IL16: variants seen among roughly 807,000 people sequenced by gnomAD.
IL16 encodes the protein pro-interleukin-16.
In IL16, 67 loss-of-function variants were observed where a neutral mutation model predicts 110.1. The observed-to-expected ratio is 0.61, with a 90% CI of 0.50 to 0.75. The LOEUF (loss-of-function observed/expected upper bound fraction) is 0.75. Ranked by LOEUF, IL16 falls within the 30% of genes least tolerant of loss-of-function variation. IL16 has a pLI of 0.00. For synonymous variants in IL16, 689 were observed against 662.9 expected (o/e 1.04, Z -0.61); for missense variants, 1,545 against 1,655.0 (o/e 0.93, Z 1.15).
chr15:81,211,134 A>G (rs887434665), intron 1 of IL16, among the ~76,000 whole-genome samples: 13 of 152,148 alleles, frequency 8.5e-5, no homozygotes, highest in Admixed American at 5.2e-4. Context: ...ATCATCGCGC[A>G]CTGCAGCCTC....
chr15:81,213,268 A>G (rs1240976787), intron 1 of IL16, among the ~76,000 whole-genome samples: 3 of 152,176 alleles, frequency 2.0e-5, no homozygotes, highest in East Asian at 1.9e-4. Context: ...TATGAGTTCA[A>G]TAACTTATTT....
In IL16 at chr15:81,313,457, C is replaced by A; in HGVS notation, c.*4659C>A. ...TGATCTGCAGCAGAGGTGCTGGGGA[C>A]GAGCGCCAGGCAGGTGAGCAGAGCC... On this transcript the variant is annotated 3_prime_UTR_variant, in exon 19 of 19. Transcript: ENST00000683961. 1 of 1,433,054 alleles carries A rather than the reference C, an allele frequency of 7.0e-7. No homozygotes were observed. 88.8% of individuals were successfully genotyped at this position (1,433,054 alleles called of 1,614,324 possible).
Position 81,278,691 on chromosome 15 carries a change from T to C in IL16, c.791-126T>C, listed in dbSNP as rs1043939082. The C allele has an allele frequency of 3.5e-5, 25 of 715,654 alleles. No individual in the cohort carries two copies. In the Admixed American group the frequency reaches 4.6e-4, roughly 13 times the overall value. 44.3% of individuals were successfully genotyped at this position (715,654 alleles called of 1,614,324 possible). ...AAGGGGAGAGCACAAAATGAGAAAA[T>C]GTTCTTCCAGAGCTTCGTGCATCAT... On this transcript the variant is annotated intron_variant, in intron 6 of 18. Transcript: ENST00000683961.
chr15:81,292,483 C>A, intron 11 of IL16, 73 bp from the exon 12 acceptor site: 1 of 1,608,094 alleles, frequency 6.2e-7, no homozygotes, highest in South Asian at 1.1e-5. Flanking sequence ...CCGTGGCAGT[C>A]ACAGGTGAGG....
At chr15:81,305,649 G>A in intron 16 of IL16, 1 of 468,698 alleles carries the variant, frequency 2.1e-6, no homozygotes, top group Non-Finnish European at 3.8e-6. Context: ...CTAGAATCGT[G>A]GTGGTACACT....
chr15:81,242,101 T>G (rs1897356961), intron 2 of IL16, among the ~76,000 whole-genome samples: 1 of 152,134 alleles, frequency 6.6e-6, no homozygotes, highest in Non-Finnish European at 1.5e-5. Flanking sequence ...CTATTCTATG[T>G]ATATCTCTTA....
At chr15:81,182,880 C>T (rs1267466338) in exon 1 of IL16, 3 of 1,289,444 alleles carry the variant, frequency 2.3e-6, no homozygotes, top group Non-Finnish European at 3.0e-6. Context: ...AGAGAGTCTT[C>T]CCGAGAAGGC....
chr15:81,282,817 T>C lies in IL16; in HGVS notation c.1199+61T>C, dbSNP rs1242635803. The C allele has an allele frequency of 3.3e-6, 4 of 1,199,638 alleles. No individual in the cohort carries two copies. The African/African-American group carries it at 6.0e-5, about 18-fold the overall frequency. The allele number at this position is 1,199,638 out of a possible 1,614,324, so 74.3% of individuals were successfully genotyped here. ...ACTTACAACCAGGAAAGAAATACCT[T>C]AGAATGTCGGGAGATTGATTTGGAC... On this transcript the variant is annotated intron_variant, in intron 9 of 18. Coordinates refer to ENST00000683961, the MANE Select transcript of IL16 (RefSeq NM_172217.5).
At chr15:81,240,074 A>G (rs530769909) in intron 2 of IL16, among the ~76,000 whole-genome samples, 58 of 152,312 alleles carry the variant, frequency 3.8e-4, no homozygotes, top group South Asian at 3.7e-3. Flanking sequence ...CTTATTTGTG[A>G]ACATGATATC....
At chr15:81,205,133 C>A (rs749163912) in intron 1 of IL16, among the ~76,000 whole-genome samples, 19 of 151,908 alleles carry the variant, frequency 1.3e-4, no homozygotes, top group Non-Finnish European at 2.4e-4. Context: ...TGGTGAAATC[C>A]CATCTGTACT....
At chr15:81,193,138 G>A (rs1595933090), upstream of IL16, among the ~76,000 whole-genome samples, 4 of 152,270 alleles carry the variant, frequency 2.6e-5, 1 homozygote, top group Middle Eastern at 0.014. Context: ...ATGAACCCAG[G>A]AATTTTGGCT....
chr15:81,269,674 A>C, intron 5 of IL16, 26 bp downstream of exon 5: 1 of 1,532,786 alleles, frequency 6.5e-7, no homozygotes, highest in Non-Finnish European at 9.0e-7. Context: ...GGCCAACAGG[A>C]AGTCCTGGGG....
At position 81,306,741 on chromosome 15, in the gene IL16, C is replaced by T. The variant is rs1322192347; in HGVS notation, c.3805+196C>T. ...CTTTGCTCAGACATCCCCTCAATCCCCCCTCTGTTTTGATGGGTCTTCAAA... is the reference window on the plus strand; with the variant it reads ...CTTTGCTCAGACATCCCCTCAATCCTCCCTCTGTTTTGATGGGTCTTCAAA... On this transcript the variant is annotated intron_variant, in intron 18 of 18. Transcript: ENST00000683961. 11 of 681,514 alleles carry T rather than the reference C, an allele frequency of 1.6e-5. No individual in the cohort carries two copies. In the Admixed American group the frequency reaches 2.0e-4, roughly 12 times the overall value. 42.2% of individuals were successfully genotyped at this position (681,514 alleles called of 1,614,324 possible).
chr15:81,276,158 C>G (rs1237202223), intron 6 of IL16, among the ~76,000 whole-genome samples: 1 of 152,202 alleles, frequency 6.6e-6, no homozygotes, highest in Non-Finnish European at 1.5e-5. Context: ...TGGAGTCTCA[C>G]AATGACAAGG....
chr15:81,242,154 T>C (rs1437196193), intron 2 of IL16, among the ~76,000 whole-genome samples: 1 of 152,158 alleles, frequency 6.6e-6, no homozygotes, highest in Non-Finnish European at 1.5e-5. Context: ...ATACATTAAG[T>C]CTTAAAATTG....
intron 12 of IL16, among the ~76,000 whole-genome samples, chr15:81,296,241 T>G (rs1899977630): frequency 6.6e-6 from 1 of 152,196 alleles, no homozygotes; most frequent in African/African-American, 2.4e-5. Flanking sequence ...GCACACTGTG[T>G]GATAATCCAA....
chr15:81,287,480 A>T (rs1349941657), intron 10 of IL16, among the ~76,000 whole-genome samples: 1 of 152,214 alleles, frequency 6.6e-6, no homozygotes, highest in Non-Finnish European at 1.5e-5. Flanking sequence ...AATAATCACC[A>T]CAAAGAATTA....
intron 1 of IL16, among the ~76,000 whole-genome samples, chr15:81,190,949 G>T (rs1895489194): frequency 6.6e-6 from 1 of 152,190 alleles, no homozygotes; most frequent in African/African-American, 2.4e-5. Context: ...GGTAGGATAA[G>T]TACATGCTCT....
chr15:81,230,137 G>A (rs910104674), intron 2 of IL16, among the ~76,000 whole-genome samples: 1 of 152,160 alleles, frequency 6.6e-6, no homozygotes, highest in African/African-American at 2.4e-5. Context: ...TTTGTTCTGG[G>A]GGAGCTTCTA....
Sources: allele counts gnomAD v4.1 joint callset (sites outside exome capture counted in the v4.1 genomes callset), GRCh38; gene constraint gnomAD v4.1.1; transcripts MANE v1.5; gene names NCBI Gene and HGNC (gene_info 2026-07-23, HGNC 2026-07-21).